JADE3: variants seen among roughly 807,000 people sequenced by gnomAD.
JADE3 encodes protein Jade-3.
JADE3 carries 2 observed loss-of-function variants against 50.1 expected under a neutral mutation model. The observed-to-expected ratio is 0.04, with a 90% CI of 0.02 to 0.13. The LOEUF is 0.13. Ranked by LOEUF, JADE3 falls within the 10% of genes least tolerant of loss-of-function variation. The pLI is 1.00. For synonymous variants in JADE3, 218 were observed against 232.9 expected (o/e 0.94, Z 0.58); for missense variants, 475 against 634.4 (o/e 0.75, Z 2.70).
chrX:46,942,518 G>A (rs1556342488), intron 1 of JADE3, among the ~76,000 whole-genome samples: 1 of 111,411 alleles, frequency 9.0e-6, no homozygotes, highest in African/African-American at 3.3e-5. Context: ...AGTTGTAGGT[G>A]TGTGGCTTTA....
Position 47,056,093 on chromosome X carries a change from G to A in JADE3, c.1455G>A (p.Leu485=), listed in dbSNP as rs1556373353. 1 of 1,190,992 alleles carries A rather than the reference G, an allele frequency of 8.4e-7. No homozygotes were observed. The change falls in exon 10 of 11, where the codon CTG becomes CTA. Residue 485 remains leucine, a synonymous_variant. Transcript: ENST00000614628. ...LRQDLERVRN[L]CYMISRREKL... Reference sequence around the variant, plus strand: ...GATTGGGCTTTCAGGTCCGAAATCTGTGCTATATGATAAGCAGACGAGAGA... The same window carrying A: ...GATTGGGCTTTCAGGTCCGAAATCTATGCTATATGATAAGCAGACGAGAGA...
chrX:46,943,531 A>G (rs1199082686), intron 1 of JADE3, among the ~76,000 whole-genome samples: 1 of 112,405 alleles, frequency 8.9e-6, no homozygotes, highest in Non-Finnish European at 1.9e-5. Context: ...TGAATTGCAT[A>G]TGTTGAACTA....
At chrX:46,984,831 C>T in intron 1 of JADE3, 53 bp from the exon 2 acceptor site, 1 of 964,914 alleles carries the variant, frequency 1.0e-6, no homozygotes, top group Non-Finnish European at 1.5e-6. Flanking sequence ...GTTGACTGCC[C>T]TCTGGGATGG....
intron 1 of JADE3, among the ~76,000 whole-genome samples, chrX:46,940,958 A>T (rs1926738941): frequency 9.0e-6 from 1 of 111,367 alleles, no homozygotes; most frequent in African/African-American, 3.3e-5. Context: ...TTTATTTTAG[A>T]TTGAGAAGAT....
At chrX:46,920,178 CA>C (rs1210342371) in intron 1 of JADE3, among the ~76,000 whole-genome samples, 1 of 111,547 alleles carries the variant, frequency 9.0e-6, no homozygotes, top group Non-Finnish European at 1.9e-5. Context: ...TGCAAAATTC[CA>C]TAGACTCCTA....
chrX:47,058,179 C>T lies in JADE3; in HGVS notation c.1574C>T (p.Thr525Ile), dbSNP rs782065688. Reference sequence around the variant, plus strand: ...TTTTTTATCTCAGGGCTTCCTTTGACAAATGCACTTGAAAACTCACTGTTT... The same window carrying T: ...TTTTTTATCTCAGGGCTTCCTTTGATAAATGCACTTGAAAACTCACTGTTT... ...NQEIDAGLPL[T>I]NALENSLFYP... The change falls in exon 11 of 11, where the codon ACA becomes ATA. Residue 525 changes from threonine to isoleucine, a missense_variant. Physicochemically the swap from Thr to Ile is moderately conservative, Grantham distance 89. Transcript: ENST00000614628. 3 of 1,203,435 alleles carry T rather than the reference C, an allele frequency of 2.5e-6. No individual in the cohort carries two copies. In the South Asian group the frequency reaches 5.4e-5, roughly 22 times the overall value.
At chrX:47,024,648 G>A (rs5952987) in intron 4 of JADE3, 76 bp from the exon 5 acceptor site, 102,698 of 593,045 alleles carry the variant, frequency 0.17, 8,399 homozygotes, top group Admixed American at 0.41. Flanking sequence ...CTCCCAGAGG[G>A]CATTTAGCCA....
chrX:46,914,901 G>A (rs782498486), intron 1 of JADE3, among the ~76,000 whole-genome samples: 2 of 112,342 alleles, frequency 1.8e-5, no homozygotes, highest in South Asian at 7.4e-4. Context: ...CCAGGAGCAG[G>A]ACAGGTGATG....
At chrX:46,972,144 GAAT>G (rs1223011100) in intron 1 of JADE3, among the ~76,000 whole-genome samples, 2 of 111,844 alleles carry the variant, frequency 1.8e-5, no homozygotes, top group African/African-American at 6.5e-5. Context: ...ATGAAAGGAA[GAAT>G]AATATTTCAT....
intron 1 of JADE3, among the ~76,000 whole-genome samples, chrX:46,935,959 G>A (rs1926611858): frequency 9.9e-6 from 1 of 101,169 alleles, no homozygotes; most frequent in Admixed American, 1.1e-4. Context: ...TTACAGGTAT[G>A]AGCCACCACG....
intron 1 of JADE3, among the ~76,000 whole-genome samples, chrX:46,973,258 A>G (rs1189938075): frequency 8.9e-6 from 1 of 112,518 alleles, no homozygotes; most frequent in African/African-American, 3.2e-5. Flanking sequence ...GTAAATTTGT[A>G]TGTTCTTCCT....
At chrX:47,050,397 A>C (rs182226386) in intron 8 of JADE3, among the ~76,000 whole-genome samples, 3 of 111,881 alleles carry the variant, frequency 2.7e-5, no homozygotes, top group African/African-American at 9.7e-5. Context: ...GAACATTCAA[A>C]AGCCTCTCTT....
At chrX:46,991,188 G>A (rs950523411) in intron 3 of JADE3, among the ~76,000 whole-genome samples, 25 of 103,980 alleles carry the variant, frequency 2.4e-4, no homozygotes, top group African/African-American at 8.1e-4. Context: ...ACGTTCAAGC[G>A]ATTCTCCTGT....
chrX:47,012,634 G>T (rs1356069915), intron 4 of JADE3, among the ~76,000 whole-genome samples: 106 of 106,219 alleles, frequency 1.0e-3, no homozygotes, highest in Non-Finnish European at 1.2e-3. Context: ...TTTTTTTTTT[G>T]TTGTTGTTGT....
At chrX:46,975,714 C>CTTTTTTTTTTTTTTTTTTTTTTTTTTTT (rs782578317) in intron 1 of JADE3, among the ~76,000 whole-genome samples, 1 of 40,524 alleles carries the variant, frequency 2.5e-5, no homozygotes, top group Non-Finnish European at 3.9e-5. Context: ...TTTTCTTTTT[C>CTTTTTTTTTTTTTTTTTTTTTTTTTTTT]TTTTTTTTTT....
intron 6 of JADE3, among the ~76,000 whole-genome samples, chrX:47,029,157 A>T (rs1393909781): frequency 8.9e-6 from 1 of 111,830 alleles, no homozygotes; most frequent in Non-Finnish European, 1.9e-5. Context: ...CTGCCAATTT[A>T]GCATCATATG....
intron 1 of JADE3, among the ~76,000 whole-genome samples, chrX:46,940,852 T>C (rs782776552): frequency 1.8e-5 from 2 of 112,234 alleles, no homozygotes; most frequent in South Asian, 7.5e-4. Flanking sequence ...ACAAATCATC[T>C]TGTTACCCAC....
intron 1 of JADE3, among the ~76,000 whole-genome samples, chrX:46,960,481 C>T (rs1927236031): frequency 8.9e-6 from 1 of 111,800 alleles, no homozygotes; most frequent in Non-Finnish European, 1.9e-5. Context: ...GCCTATGTGA[C>T]CAGTCACCAA....
intron 5 of JADE3, among the ~76,000 whole-genome samples, chrX:47,026,994 G>C (rs1928921930): frequency 8.9e-6 from 1 of 111,971 alleles, no homozygotes; most frequent in Admixed American, 9.5e-5. Flanking sequence ...GCAGTTTTTG[G>C]TTTCATAAGT....
Sources: gnomAD v4.1 joint callset for allele counts (sites outside exome capture counted in the v4.1 genomes callset) on GRCh38, gnomAD v4.1.1 for gene constraint, MANE v1.5 for transcripts, NCBI Gene and HGNC (gene_info 2026-07-23, HGNC 2026-07-21) for gene names.